The following SH3RF3 variants were observed in gnomAD, a reference collection of about 807,000 sequenced individuals.
SH3RF3 encodes the protein E3 ubiquitin-protein ligase SH3RF3.
SH3RF3 carries 29 observed loss-of-function variants against 66.3 expected under a neutral mutation model. The observed-to-expected ratio is 0.44, with a 90% CI of 0.33 to 0.60. SH3RF3 has a LOEUF of 0.60. Among genes scored for constraint, SH3RF3 ranks in the 20% least tolerant of loss-of-function variants. SH3RF3 has a pLI of 0.04. For missense variants in SH3RF3, 1,194 were observed against 1,190.9 expected (o/e 1.00, Z -0.04); for synonymous variants, 583 against 532.0 (o/e 1.10, Z -1.32).
At chr2:109,444,456 G>C (rs938604075) in intron 7 of SH3RF3, among the ~76,000 whole-genome samples, 3 of 152,184 alleles carry the variant, frequency 2.0e-5, no homozygotes, top group African/African-American at 7.2e-5. Context: ...TGGACAGGAA[G>C]CCCCTGTGAG....
intron 1 of SH3RF3, among the ~76,000 whole-genome samples, chr2:109,149,160 A>G (rs1426951944): frequency 2.6e-5 from 4 of 152,260 alleles, no homozygotes; most frequent in African/African-American, 9.6e-5. Flanking sequence ...GCTCACATTG[A>G]TGGAGTGGGC....
Position 109,435,266 on chromosome 2 carries a change from G to A in SH3RF3, c.1575-1627G>A, listed in dbSNP as rs573469562. Among the ~76,000 whole-genome samples, 18 of 152,244 alleles carry A rather than the reference G, an allele frequency of 1.2e-4. No individual in the cohort carries two copies. In the South Asian group the frequency reaches 2.3e-3, roughly 19 times the overall value. On this transcript the variant is annotated intron_variant, in intron 6 of 9. Coordinates refer to ENST00000309415, the MANE Select transcript of SH3RF3 (RefSeq NM_001099289.3). Reference sequence around the variant, plus strand: ...AGCACAAAACAGGAAATCTGGCCTCGGTCTTTATCCCCAGAAGTGGAAGAC... The same window carrying A: ...AGCACAAAACAGGAAATCTGGCCTCAGTCTTTATCCCCAGAAGTGGAAGAC...
intron 1 of SH3RF3, among the ~76,000 whole-genome samples, chr2:109,147,781 A>T (rs1677134896): frequency 6.6e-6 from 1 of 152,178 alleles, no homozygotes; most frequent in Non-Finnish European, 1.5e-5. Context: ...TTTTAGCTAA[A>T]ATATCCCGAA....
At chr2:109,396,676 A>G (rs1676155823) in intron 3 of SH3RF3, among the ~76,000 whole-genome samples, 1 of 152,208 alleles carries the variant, frequency 6.6e-6, no homozygotes, top group Admixed American at 6.5e-5. Context: ...GGAATCTCCT[A>G]GACCAGGCTG....
intron 3 of SH3RF3, among the ~76,000 whole-genome samples, chr2:109,397,595 A>G (rs1676184198): frequency 1.3e-5 from 2 of 152,148 alleles, no homozygotes; most frequent in African/African-American, 4.8e-5. Flanking sequence ...GGATCAGGGG[A>G]CACTGTCACT....
chr2:109,208,749 C>T (rs1383401944), intron 1 of SH3RF3, among the ~76,000 whole-genome samples: 3 of 152,158 alleles, frequency 2.0e-5, no homozygotes, highest in Non-Finnish European at 4.4e-5. Context: ...ATTTCCTTGT[C>T]AGAGGAAGTG....
chr2:109,472,888 C>T (rs1269789738), intron 8 of SH3RF3, among the ~76,000 whole-genome samples: 1 of 152,218 alleles, frequency 6.6e-6, no homozygotes, highest in Non-Finnish European at 1.5e-5. Context: ...GACAGCCCTG[C>T]TCCAGCCTCT....
At chr2:109,343,645 TGGGTTGGGGCCAG>T (rs1682609767) in intron 1 of SH3RF3, among the ~76,000 whole-genome samples, 1 of 151,758 alleles carries the variant, frequency 6.6e-6, no homozygotes, top group African/African-American at 2.4e-5. Context: ...GCCCAGCAGG[TGGGTTGGGGCCAG>T]CAGGTGGGTT....
rs200619697 is a variant in SH3RF3 at position 109,363,752 on chromosome 2, G to GT, written c.850-7828dup. ...CAGGTACAGAATTCTAGGTTGGTAG[G>GT]TTTTTTCTGTCAACACCTTAAATAT... On this transcript the variant is annotated intron_variant, in intron 2 of 9. Coordinates refer to ENST00000309415, the MANE Select transcript of SH3RF3 (RefSeq NM_001099289.3). 8.1e-3 allele frequency among the ~76,000 whole-genome samples: 1,240 copies of GT among 152,152 alleles called. 8 individuals are homozygous for GT. The highest frequency in any genetic ancestry group is 0.018 in the South Asian group (85 of 4,816).
At chr2:109,194,164 C>G (rs907102671) in intron 1 of SH3RF3, among the ~76,000 whole-genome samples, 1 of 152,260 alleles carries the variant, frequency 6.6e-6, no homozygotes. Flanking sequence ...CCAAGCCCTT[C>G]CCAGCACTGG....
chr2:109,148,340 CATCCG>C (rs1298655076), intron 1 of SH3RF3, among the ~76,000 whole-genome samples: 1 of 152,230 alleles, frequency 6.6e-6, no homozygotes, highest in Admixed American at 6.5e-5. Flanking sequence ...GCCAGAGCGC[CATCCG>C]TGGTTCTTCA....
chr2:109,259,307 C>T (rs1680296449), intron 1 of SH3RF3, among the ~76,000 whole-genome samples: 1 of 152,170 alleles, frequency 6.6e-6, no homozygotes, highest in African/African-American at 2.4e-5. Context: ...TGTGCAGAGG[C>T]CTGGCTCTGA....
intron 2 of SH3RF3, among the ~76,000 whole-genome samples, chr2:109,370,090 C>T (rs946974478): frequency 6.6e-6 from 1 of 152,180 alleles, no homozygotes; most frequent in African/African-American, 2.4e-5. Flanking sequence ...TTCCATGATG[C>T]ACCTGACTGC....
chr2:109,129,281 A>C lies in SH3RF3; in HGVS notation c.-260A>C. ...GGCGGACTTGCGGCGGGACAGGTGT[A>C]GCCCGCAGCCGCAGGCGCTGCGCTC... is the stretch of plus-strand genomic sequence containing the variant. On this transcript the variant is annotated 5_prime_UTR_variant, in exon 1 of 10. Transcript: ENST00000309415. 1.6e-6 allele frequency: 1 copy of C among 643,920 alleles called. No homozygotes were observed. The highest frequency in any genetic ancestry group is 2.7e-6 in the Non-Finnish European group (1 of 374,688). 39.9% of individuals were successfully genotyped at this position (643,920 alleles called of 1,614,324 possible). A position where few individuals can be genotyped will look rare whatever the true frequency, so the allele number is the denominator to read the frequency against.
intron 1 of SH3RF3, among the ~76,000 whole-genome samples, chr2:109,343,137 C>T (rs1011870537): frequency 2.0e-5 from 3 of 152,106 alleles, no homozygotes; most frequent in African/African-American, 7.2e-5. Context: ...GACATAGAGG[C>T]CTCCAGGTTG....
chr2:109,218,935 A>T (rs997697765), intron 1 of SH3RF3, among the ~76,000 whole-genome samples: 2 of 152,224 alleles, frequency 1.3e-5, no homozygotes, highest in Non-Finnish European at 2.9e-5. Context: ...CCCTGCACGG[A>T]CCAGGCTTGT....
intron 1 of SH3RF3, among the ~76,000 whole-genome samples, chr2:109,234,693 A>G (rs1001412088): frequency 3.9e-5 from 6 of 152,246 alleles, no homozygotes; most frequent in Admixed American, 6.5e-5. Flanking sequence ...GCTGATGAGA[A>G]GAGAGTGAGG....
chr2:109,494,951 T>G (rs566199838), intron 9 of SH3RF3, among the ~76,000 whole-genome samples: 82 of 151,972 alleles, frequency 5.4e-4, no homozygotes, highest in African/African-American at 2.0e-3. Flanking sequence ...GGGAGTGTAC[T>G]GTGAGCAGCA....
chr2:109,457,070 C>T (rs1678079942), intron 8 of SH3RF3, among the ~76,000 whole-genome samples: 1 of 152,228 alleles, frequency 6.6e-6, no homozygotes, highest in Admixed American at 6.5e-5. Flanking sequence ...TTCGAGCAAG[C>T]TTCTCCACCT....
Sources: gnomAD v4.1 joint callset for allele counts (sites outside exome capture counted in the v4.1 genomes callset) on GRCh38, gnomAD v4.1.1 for gene constraint, MANE v1.5 for transcripts, NCBI Gene and HGNC (gene_info 2026-07-23, HGNC 2026-07-21) for gene names.